Variants in PIWIL2 observed in about 807,000 individuals in gnomAD.
PIWIL2 encodes the protein piwi like RNA-mediated gene silencing 2.
A neutral mutation model predicts 116.5 loss-of-function variants in PIWIL2; 81 were observed. That is an observed-to-expected ratio of 0.70 (90% CI 0.58 to 0.84). The LOEUF (loss-of-function observed/expected upper bound fraction) is 0.84, where lower values mean the gene tolerates loss of function less well. Among genes scored for constraint, PIWIL2 ranks in the 40% least tolerant of loss-of-function variants. The pLI, the probability that PIWIL2 is intolerant of heterozygous loss-of-function variation, is 0.00. For missense variants in PIWIL2, 1,272 were observed against 1,212.3 expected, an observed-to-expected ratio of 1.05 and a Z score of -0.73; for synonymous variants, 489 against 429.5, an observed-to-expected ratio of 1.14 and a Z score of -1.71.
chr8:22,288,815 A>G (rs1054525603), intron 8 of PIWIL2, 149 bp downstream of exon 8: 5 of 616,020 alleles, frequency 8.1e-6, no homozygotes, highest in African/African-American at 1.8e-5. Context: ...TATTGAGGCT[A>G]ACTTACTCAA....
In PIWIL2 at chr8:22,291,298, A is replaced by G. The variant is rs185753430; in HGVS notation, c.1181+952A>G. The stretch of plus-strand genomic sequence containing the variant: ...CCCGAGTAGCCAGGACCACAGGTGC[A>G]TGCCTCCATGTCTGGCTAATTTTTT... On this transcript the variant is annotated intron_variant, in intron 10 of 22. Transcript: ENST00000356766. Among the ~76,000 whole-genome samples the G allele has an allele frequency of 1.8e-4, 28 of 152,002 alleles. No individual in the cohort carries two copies. The East Asian group carries it at 4.2e-3, about 23-fold the overall frequency.
intron 20 of PIWIL2, among the ~76,000 whole-genome samples, chr8:22,334,505 G>C (rs1312282042): frequency 2.1e-5 from 3 of 143,290 alleles, no homozygotes; most frequent in Non-Finnish European, 1.5e-5. Flanking sequence ...CTGGGTGACA[G>C]TGAGAGTCCG....
At chr8:22,309,478 A>G (rs994310789) in intron 14 of PIWIL2, among the ~76,000 whole-genome samples, 1 of 151,922 alleles carries the variant, frequency 6.6e-6, no homozygotes, top group African/African-American at 2.4e-5. Flanking sequence ...GCTGGGGACT[A>G]CAGGCATGCG....
chr8:22,276,351 C>G (rs1372781766), intron 1 of PIWIL2, among the ~76,000 whole-genome samples: 1 of 152,160 alleles, frequency 6.6e-6, no homozygotes, highest in Non-Finnish European at 1.5e-5. Flanking sequence ...AGTCTCGCTC[C>G]GTAGCGCAGG....
At chr8:22,294,370 G>C (rs1830837253) in intron 10 of PIWIL2, among the ~76,000 whole-genome samples, 1 of 146,612 alleles carries the variant, frequency 6.8e-6, no homozygotes, top group Admixed American at 7.0e-5. Context: ...GTCCGAGCGT[G>C]GTGGCTCACG....
intron 6 of PIWIL2, among the ~76,000 whole-genome samples, chr8:22,286,416 A>G (rs1830630047): frequency 6.6e-6 from 1 of 152,140 alleles, no homozygotes; most frequent in Admixed American, 6.6e-5. Context: ...AGGTAGAGGG[A>G]AGTAGCCAGA....
At chr8:22,355,043 C>T (rs1342248702) in intron 22 of PIWIL2, among the ~76,000 whole-genome samples, 1 of 150,620 alleles carries the variant, frequency 6.6e-6, no homozygotes, top group African/African-American at 2.4e-5. Flanking sequence ...GCACTCCAGC[C>T]TGGGCAACAG....
In PIWIL2 at chr8:22,318,159, C is replaced by G. The variant is rs1273561645; in HGVS notation, c.2298-11C>G. 2 of 1,571,526 alleles carry G rather than the reference C, an allele frequency of 1.3e-6. No homozygotes were observed. The highest frequency in any genetic ancestry group is 2.7e-5 in the African/African-American group (2 of 73,924). On this transcript the variant is annotated splice_polypyrimidine_tract_variant and intron_variant, in intron 19 of 22. Coordinates refer to ENST00000356766, the MANE Select transcript of PIWIL2 (RefSeq NM_018068.5). ...TTCCTTTCTCTGTCTCTCTGCTCAC[C>G]CTGACCCTAGCACCCTCACAAAATG...
intron 20 of PIWIL2, among the ~76,000 whole-genome samples, chr8:22,336,710 T>C (rs533222650): frequency 4.3e-4 from 65 of 152,204 alleles, no homozygotes; most frequent in African/African-American, 1.6e-3. Context: ...GTTCAAGACC[T>C]GCTTGGGTAA....
intron 20 of PIWIL2, among the ~76,000 whole-genome samples, chr8:22,344,665 T>C (rs991282405): frequency 2.6e-5 from 4 of 152,186 alleles, no homozygotes; most frequent in African/African-American, 7.2e-5. Context: ...CCCAGGAGTT[T>C]GAGACTGCCT....
intron 20 of PIWIL2, 50 bp from the exon 21 acceptor site, chr8:22,352,909 T>G (rs1211275294): frequency 4.5e-6 from 7 of 1,569,882 alleles, no homozygotes; most frequent in Non-Finnish European, 6.1e-6. Flanking sequence ...CTGACTGTGG[T>G]CCGTAGCCTG....
intron 10 of PIWIL2, among the ~76,000 whole-genome samples, chr8:22,296,651 G>A (rs1830915045): frequency 6.6e-6 from 1 of 152,196 alleles, no homozygotes; most frequent in Non-Finnish European, 1.5e-5. Context: ...AAGATCTAAA[G>A]CTGTTTTAAT....
chr8:22,290,032 T>C, intron 9 of PIWIL2, 105 bp downstream of exon 9: 2 of 780,722 alleles, frequency 2.6e-6, no homozygotes, highest in Non-Finnish European at 4.3e-6. Flanking sequence ...TTTATGGTAG[T>C]GAATACAGTT....
chr8:22,319,631 A>G (rs912757514), intron 20 of PIWIL2, among the ~76,000 whole-genome samples: 1 of 152,182 alleles, frequency 6.6e-6, no homozygotes, highest in African/African-American at 2.4e-5. Context: ...TTTGATGTTC[A>G]CAATCAGGAA....
chr8:22,295,287 C>A (rs1032693484), intron 10 of PIWIL2, among the ~76,000 whole-genome samples: 12 of 152,190 alleles, frequency 7.9e-5, no homozygotes, highest in East Asian at 1.9e-4. Flanking sequence ...GATCTTTCTG[C>A]CTCAGCTTCC....
intron 20 of PIWIL2, among the ~76,000 whole-genome samples, chr8:22,333,052 G>A (rs1363045147): frequency 6.6e-6 from 1 of 152,046 alleles, no homozygotes; most frequent in Non-Finnish European, 1.5e-5. Context: ...ATGATGTCCT[G>A]ATATTCATAG....
rs115675595 is a variant in PIWIL2 at position 22,322,536 on chromosome 8, G to A, written c.2403+4261G>A. Reference sequence around the variant, plus strand: ...GCCTACTCAGCGTCCCAGAGTGCTGGGATTATAGCTGTGAGCCACTGAGCC... The same window carrying A: ...GCCTACTCAGCGTCCCAGAGTGCTGAGATTATAGCTGTGAGCCACTGAGCC... On this transcript the variant is annotated intron_variant, in intron 20 of 22. Coordinates refer to ENST00000356766, the MANE Select transcript of PIWIL2 (RefSeq NM_018068.5). 7.0e-3 allele frequency among the ~76,000 whole-genome samples: 1,073 copies of A among 152,238 alleles called. 15 individuals are homozygous for A. The highest frequency in any genetic ancestry group is 0.025 in the African/African-American group (1,034 of 41,532).
At chr8:22,349,250 G>A (rs36028361) in intron 20 of PIWIL2, among the ~76,000 whole-genome samples, 64,674 of 149,704 alleles carry the variant, frequency 0.43, 15,804 homozygotes, top group East Asian at 0.81. Context: ...CAAGTCATCC[G>A]CCTGCCTCAG....
At chr8:22,338,042 C>T (rs542623224) in intron 20 of PIWIL2, among the ~76,000 whole-genome samples, 2 of 151,342 alleles carry the variant, frequency 1.3e-5, no homozygotes, top group African/African-American at 4.9e-5. Flanking sequence ...TGCAGTGAGC[C>T]AAGATCATGC....
Sources: allele counts gnomAD v4.1 joint callset (sites outside exome capture counted in the v4.1 genomes callset), GRCh38; gene constraint gnomAD v4.1.1; transcripts MANE v1.5; gene names NCBI Gene and HGNC (gene_info 2026-07-23, HGNC 2026-07-21).